The following EYA2 variants were observed in gnomAD, a reference collection of about 807,000 sequenced individuals.
EYA2 encodes the protein EYA transcriptional coactivator and phosphatase 2.
Under a neutral mutation model 69.2 loss-of-function variants are expected in EYA2, and 31 were observed. The observed-to-expected ratio is 0.45, with a 90% CI of 0.34 to 0.60. EYA2 has a LOEUF of 0.60. Ranked by LOEUF, EYA2 falls within the 20% of genes least tolerant of loss-of-function variation. The pLI is 0.02. For missense variants in EYA2, 622 were observed against 701.2 expected (o/e 0.89, Z 1.28); for synonymous variants, 257 against 279.4 (o/e 0.92, Z 0.80).
At chr20:47,172,937 C>T in intron 12 of EYA2, 70 bp downstream of exon 12, 1 of 1,511,244 alleles carries the variant, frequency 6.6e-7, no homozygotes, top group South Asian at 1.3e-5. Context: ...AGTGTCCCTG[C>T]TGTGCCAGGC....
intron 5 of EYA2, among the ~76,000 whole-genome samples, chr20:47,059,933 A>G (rs2030802845): frequency 6.6e-6 from 1 of 152,190 alleles, no homozygotes. Flanking sequence ...TAGAGCAGAG[A>G]TCACAACCTG....
intron 5 of EYA2, among the ~76,000 whole-genome samples, chr20:47,059,584 C>T (rs1275125733): frequency 6.6e-6 from 1 of 152,204 alleles, no homozygotes; most frequent in Non-Finnish European, 1.5e-5. Flanking sequence ...CTCCTGACCT[C>T]GTGATCCACC....
intron 9 of EYA2, among the ~76,000 whole-genome samples, chr20:47,102,571 G>A (rs981241441): frequency 6.6e-6 from 1 of 152,118 alleles, no homozygotes; most frequent in Non-Finnish European, 1.5e-5. Flanking sequence ...CTGTTTTTTG[G>A]GGGAACTAAG....
intron 1 of EYA2, among the ~76,000 whole-genome samples, chr20:46,905,722 C>T (rs1473340513): frequency 6.6e-6 from 1 of 152,194 alleles, no homozygotes; most frequent in African/African-American, 2.4e-5. Flanking sequence ...CTATCACCAA[C>T]CTGCTGTGTG....
At chr20:47,124,438 C>G (rs1329889030) in intron 9 of EYA2, among the ~76,000 whole-genome samples, 1 of 152,174 alleles carries the variant, frequency 6.6e-6, no homozygotes, top group East Asian at 1.9e-4. Flanking sequence ...GATGTTCTAT[C>G]TGAGGAAGTG....
At chr20:47,111,900 T>C (rs1260409264) in intron 9 of EYA2, among the ~76,000 whole-genome samples, 1 of 152,106 alleles carries the variant, frequency 6.6e-6, no homozygotes, top group Non-Finnish European at 1.5e-5. Flanking sequence ...GAAGCCGAGG[T>C]GGGCAGATCA....
rs771105381 is a variant in EYA2 at position 47,016,279 on chromosome 20, T to G, written c.397T>G (p.Tyr133Asp). The G allele has an allele frequency of 1.2e-6, 2 of 1,613,912 alleles. No individual in the cohort carries two copies. Among genetic ancestry groups the G allele is most frequent in the African/African-American group, 2.7e-5 (2 of 74,932 alleles). Residue 133 changes from tyrosine (Y) to aspartate (D), a missense_variant, in exon 5 of 16, where the codon TAC becomes GAC. Tyr to Asp is a radical substitution (Grantham distance 160, BLOSUM62 -3). Around this residue, in one of 2 missense-constraint regions of EYA2, gnomAD observed 365 missense variants for 349.7 expected, o/e 1.04. Coordinates refer to ENST00000327619, the MANE Select transcript of EYA2 (RefSeq NM_005244.5). ...FSTSPTGQSP[Y>D]TYQMHGTTGF... ...CACCTCACCCACTGGACAGAGCCCA[T>G]ACACCTACCAGATGCACGGTCAGTG...
At chr20:47,091,682 C>T (rs910354185) in intron 8 of EYA2, among the ~76,000 whole-genome samples, 3 of 151,602 alleles carry the variant, frequency 2.0e-5, no homozygotes, top group Non-Finnish European at 4.4e-5. Context: ...GAGGTAGAGG[C>T]TGCGTTGAGC....
At chr20:46,972,884 T>C (rs956797842) in intron 1 of EYA2, among the ~76,000 whole-genome samples, 3 of 152,230 alleles carry the variant, frequency 2.0e-5, no homozygotes, top group African/African-American at 7.2e-5. Flanking sequence ...GCTGAACAAA[T>C]GTATTAACAT....
chr20:47,172,349 G>A (rs917875371), intron 11 of EYA2, among the ~76,000 whole-genome samples: 1 of 151,752 alleles, frequency 6.6e-6, no homozygotes, highest in Non-Finnish European at 1.5e-5. Context: ...GAAGGCTGAG[G>A]TAAAAGGATC....
chr20:46,953,157 A>G (rs887802808), intron 1 of EYA2, among the ~76,000 whole-genome samples: 4 of 152,226 alleles, frequency 2.6e-5, no homozygotes, highest in East Asian at 3.9e-4. Context: ...AAATGTTCCT[A>G]TAATATTTAG....
chr20:46,922,563 T>C (rs1339006748), intron 1 of EYA2, among the ~76,000 whole-genome samples: 1 of 152,120 alleles, frequency 6.6e-6, no homozygotes, highest in African/African-American at 2.4e-5. Flanking sequence ...TACAAACCTA[T>C]GAATATATAC....
At chr20:47,068,657 G>T (rs2031202236) in intron 5 of EYA2, among the ~76,000 whole-genome samples, 1 of 152,184 alleles carries the variant, frequency 6.6e-6, no homozygotes, top group African/African-American at 2.4e-5. Flanking sequence ...TTCTTTGGGA[G>T]ATTCTGATGC....
chr20:47,054,718 C>T (rs895673257), intron 5 of EYA2, among the ~76,000 whole-genome samples: 3 of 152,172 alleles, frequency 2.0e-5, no homozygotes, highest in African/African-American at 7.2e-5. Flanking sequence ...AGATGTGTGA[C>T]TCCGGGACTC....
chr20:46,922,672 A>T (rs6018178), intron 1 of EYA2, among the ~76,000 whole-genome samples: 21,387 of 152,190 alleles, frequency 0.14, 2,225 homozygotes, highest in East Asian at 0.48. Flanking sequence ...AGAGCTGGGT[A>T]AGAAACACAC....
intron 5 of EYA2, among the ~76,000 whole-genome samples, chr20:47,066,023 G>C (rs1053298518): frequency 2.2e-4 from 33 of 152,254 alleles, no homozygotes; most frequent in African/African-American, 7.9e-4. Context: ...ACAAATTAAT[G>C]ATTGAATGAA....
chr20:47,020,115 A>G (rs578070205), intron 5 of EYA2, among the ~76,000 whole-genome samples: 1 of 151,680 alleles, frequency 6.6e-6, no homozygotes, highest in East Asian at 1.9e-4. Context: ...AGCCTGGGCA[A>G]TACAGCATGA....
chr20:47,119,132 C>T (rs1188344290), intron 9 of EYA2, among the ~76,000 whole-genome samples: 2 of 152,254 alleles, frequency 1.3e-5, no homozygotes, highest in African/African-American at 4.8e-5. Flanking sequence ...TCCCCTCCAA[C>T]TACTCACCTG....
At chr20:46,990,234 C>T in intron 2 of EYA2, 115 bp downstream of exon 2, 2 of 544,274 alleles carry the variant, frequency 3.7e-6, no homozygotes, top group Non-Finnish European at 3.4e-6. Flanking sequence ...AGGACAATTT[C>T]TCCCCCTGCC....
Sources: gnomAD v4.1 joint callset for allele counts (sites outside exome capture counted in the v4.1 genomes callset) on GRCh38, gnomAD v4.1.1 for gene constraint, gnomAD v4.1.1 regional missense constraint, MANE v1.5 for transcripts, NCBI Gene and HGNC (gene_info 2026-07-23, HGNC 2026-07-21) for gene names.